Variants in HDAC4 observed in about 807,000 individuals in gnomAD.
The protein encoded by HDAC4 is histone deacetylase 4, also known as histone deacetylase A.
In HDAC4, 16 loss-of-function variants were observed where a neutral mutation model predicts 135.1. The ratio of observed to expected loss-of-function variants is 0.12; its 90% CI spans 0.08 to 0.18. The LOEUF (loss-of-function observed/expected upper bound fraction) is 0.18, where lower values mean the gene tolerates loss of function less well. HDAC4 is among the 10% of genes least tolerant of loss of function. The pLI is 1.00. For missense variants in HDAC4, 1,143 were observed against 1,511.8 expected (o/e 0.76, Z 4.05); for synonymous variants, 685 against 653.4 (o/e 1.05, Z -0.74).
At chr2:239,396,435 T>A (rs775293658) in intron 1 of HDAC4, among the ~76,000 whole-genome samples, 2 of 152,056 alleles carry the variant, frequency 1.3e-5, no homozygotes, top group Admixed American at 6.5e-5. Flanking sequence ...AAAATAGAAA[T>A]TATTATTATG....
At chr2:239,347,602 C>T (rs1428067837) in intron 2 of HDAC4, among the ~76,000 whole-genome samples, 1 of 152,156 alleles carries the variant, frequency 6.6e-6, no homozygotes, top group Non-Finnish European at 1.5e-5. Context: ...TGCAACCTCA[C>T]CTCCCGGATT....
chr2:239,273,410 G>C (rs2050160713), intron 2 of HDAC4, among the ~76,000 whole-genome samples: 2 of 152,222 alleles, frequency 1.3e-5, no homozygotes. Context: ...TCATTCCTCT[G>C]AAAGATGGTA....
rs2052960105 is a variant in HDAC4 at position 239,313,050 on chromosome 2, C to G, written c.22+39628G>C. On this transcript the variant is annotated intron_variant, in intron 2 of 26. Coordinates refer to ENST00000543185, the MANE Select transcript of HDAC4 (RefSeq NM_001378414.1). This position sits in a 1 kb window ranked among gnomAD's most constrained non-coding sequence, Gnocchi z 5.1. ...AGAGCAAGGAGTCAAGGTGGCCAGC[C>G]TGGGGCAGGGTGTTCCCCCAGCCAG... Among the ~76,000 whole-genome samples the G allele has an allele frequency of 6.6e-6, 1 of 152,174 alleles. No individual in the cohort carries two copies. Among genetic ancestry groups the G allele is most frequent in the Non-Finnish European group, 1.5e-5 (1 of 68,028 alleles).
intron 2 of HDAC4, among the ~76,000 whole-genome samples, chr2:239,297,960 C>T (rs778393493): frequency 2.6e-5 from 4 of 152,114 alleles, no homozygotes; most frequent in African/African-American, 9.7e-5. Flanking sequence ...CCCGGTGCCG[C>T]GGCTGCTAAG....
At position 239,051,560 on chromosome 2, in the gene HDAC4, T is replaced by C. The variant is rs2030851967; in HGVS notation, c.*1537A>G. On this transcript the variant is annotated 3_prime_UTR_variant, in exon 27 of 27. Transcript: ENST00000543185. ...CAGGATCTTTTTGTGAAAAAATTCA[T>C]ACAAAAATCAACAGCAAATTTATAT... 1 of 152,590 alleles carries C rather than the reference T, an allele frequency of 6.6e-6. No homozygotes were observed. The highest frequency in any genetic ancestry group is 1.5e-5 in the Non-Finnish European group (1 of 68,022). The allele number at this position is 152,590 out of a possible 1,614,324, so 9.5% of individuals were successfully genotyped here.
intron 1 of HDAC4, among the ~76,000 whole-genome samples, chr2:239,380,699 T>C (rs1239975790): frequency 1.3e-5 from 2 of 152,216 alleles, no homozygotes; most frequent in East Asian, 3.8e-4. Context: ...AGGTGTTTCT[T>C]ACCACAATTG....
chr2:239,230,267 G>T (rs1390984166), intron 3 of HDAC4, among the ~76,000 whole-genome samples: 3 of 148,546 alleles, frequency 2.0e-5, no homozygotes, highest in Non-Finnish European at 4.4e-5. Flanking sequence ...TGGGTTGGGG[G>T]ACTTAGAATT....
At chr2:239,228,183 GC>G (rs1392509212) in intron 3 of HDAC4, among the ~76,000 whole-genome samples, 2 of 152,206 alleles carry the variant, frequency 1.3e-5, no homozygotes, top group African/African-American at 4.8e-5. Flanking sequence ...CCAGACACTT[GC>G]CCTTGCTGCC....
At chr2:239,294,712 T>C (rs766484182) in intron 2 of HDAC4, among the ~76,000 whole-genome samples, 2 of 151,918 alleles carry the variant, frequency 1.3e-5, no homozygotes, top group Non-Finnish European at 2.9e-5. Context: ...CAGGTGGGCC[T>C]GCCTCGGAGG....
intron 7 of HDAC4, among the ~76,000 whole-genome samples, chr2:239,145,596 C>A (rs1188238114): frequency 3.3e-5 from 5 of 152,242 alleles, no homozygotes; most frequent in African/African-American, 1.2e-4. Flanking sequence ...GAGTCCAGAA[C>A]AGAGCCAAGA....
Position 239,141,671 on chromosome 2 carries a change from G to C in HDAC4, c.866-1875C>G, listed in dbSNP as rs1484419463. 6.6e-6 allele frequency among the ~76,000 whole-genome samples: 1 copy of C among 152,096 alleles called. No individual in the cohort carries two copies. Among genetic ancestry groups the C allele is most frequent in the East Asian group, 1.9e-4 (1 of 5,182 alleles). ...CTAGACCCCTGCTCTCTGATGTCAAGCTGTCTCCAGCTACACACCAAGATC... is the reference window on the plus strand; with the variant it reads ...CTAGACCCCTGCTCTCTGATGTCAACCTGTCTCCAGCTACACACCAAGATC... On this transcript the variant is annotated intron_variant, in intron 8 of 26. Coordinates refer to ENST00000543185, the MANE Select transcript of HDAC4 (RefSeq NM_001378414.1). The surrounding 1 kb of genome is among the most constrained non-coding windows in gnomAD (Gnocchi z 4.9).
At chr2:239,064,124 C>T (rs534257971) in intron 24 of HDAC4, among the ~76,000 whole-genome samples, 52 of 152,244 alleles carry the variant, frequency 3.4e-4, no homozygotes, top group Admixed American at 1.2e-3. Flanking sequence ...ACAGCTGACG[C>T]GCACCGCCCT....
chr2:239,107,907 G>A (rs1350043164), intron 15 of HDAC4, 143 bp downstream of exon 15: 4 of 1,021,658 alleles, frequency 3.9e-6, no homozygotes, highest in East Asian at 2.5e-5. Flanking sequence ...TGCAGACAGT[G>A]AAGATGCTTG....
intron 11 of HDAC4, among the ~76,000 whole-genome samples, chr2:239,127,864 C>T (rs2040303417): frequency 1.3e-5 from 2 of 152,236 alleles, no homozygotes; most frequent in South Asian, 2.1e-4. Flanking sequence ...TGCCAGGGCT[C>T]GCAGGGCAGC....
intron 5 of HDAC4, among the ~76,000 whole-genome samples, chr2:239,169,097 G>A (rs956873248): frequency 6.6e-6 from 1 of 152,208 alleles, no homozygotes; most frequent in Non-Finnish European, 1.5e-5. Context: ...AAACTCTGAG[G>A]AAGTAATTTA....
intron 3 of HDAC4, among the ~76,000 whole-genome samples, chr2:239,225,511 C>A (rs969655375): frequency 6.6e-6 from 1 of 152,240 alleles, no homozygotes; most frequent in Non-Finnish European, 1.5e-5. Flanking sequence ...CAGGGTGCCC[C>A]CACCCCAGGG....
chr2:239,125,041 C>T (rs1321195757), intron 12 of HDAC4, among the ~76,000 whole-genome samples: 1 of 150,820 alleles, frequency 6.6e-6, no homozygotes, highest in East Asian at 2.0e-4. Flanking sequence ...TGTGGCCGCG[C>T]ATCACAGGAT....
intron 2 of HDAC4, among the ~76,000 whole-genome samples, chr2:239,322,616 G>A (rs2053351418): frequency 1.3e-5 from 2 of 152,198 alleles, no homozygotes; most frequent in South Asian, 4.1e-4. Flanking sequence ...CTTTTCCTGT[G>A]TGGTTCACCA....
chr2:239,189,344 T>G (rs1261795968), intron 4 of HDAC4, among the ~76,000 whole-genome samples: 3 of 152,120 alleles, frequency 2.0e-5, no homozygotes. Context: ...AGACAGTAAG[T>G]ACCAAAAAAA....
Sources: allele counts gnomAD v4.1 joint callset (sites outside exome capture counted in the v4.1 genomes callset), GRCh38; gene constraint gnomAD v4.1.1; non-coding constraint Gnocchi (gnomAD v3.1); transcripts MANE v1.5; gene names NCBI Gene and HGNC (gene_info 2026-07-23, HGNC 2026-07-21).